The following PDE4DIP variants were observed in gnomAD, a reference collection of about 807,000 sequenced individuals.
The protein encoded by PDE4DIP is myomegalin.
PDE4DIP carries 59 observed loss-of-function variants against 221.4 expected under a neutral mutation model. The observed-to-expected ratio is 0.27, with a 90% CI of 0.22 to 0.33. The LOEUF is 0.33. PDE4DIP is among the 10% of genes least tolerant of loss of function. The probability of loss-of-function intolerance (pLI) is 1.00; values close to 1 mark genes in which losing one functional copy is unlikely to be tolerated. For synonymous variants in PDE4DIP, 404 were observed against 815.9 expected, an observed-to-expected ratio of 0.50 and a Z score of 8.60; for missense variants, 1,036 against 2,154.2, an observed-to-expected ratio of 0.48 and a Z score of 10.28.
At chr1:148,919,240 A>C (rs1441359481) in intron 1 of PDE4DIP, among the ~76,000 whole-genome samples, 1 of 150,868 alleles carries the variant, frequency 6.6e-6, no homozygotes, top group Non-Finnish European at 1.5e-5. Context: ...ACATAAGCGT[A>C]AAAGATGAGT....
chr1:148,954,345 TC>T (rs1379690067), intron 5 of PDE4DIP, among the ~76,000 whole-genome samples: 1 of 152,110 alleles, frequency 6.6e-6, no homozygotes, highest in Non-Finnish European at 1.5e-5. Context: ...AGTTAGTTCT[TC>T]CTGGAGCATT....
At position 148,945,358 on chromosome 1, in the gene PDE4DIP, A is replaced by T. The variant is rs587681983; in HGVS notation, c.636+7494A>T. Among the ~76,000 whole-genome samples the T allele has an allele frequency of 3.3e-5, 5 of 151,138 alleles. No individual in the cohort carries two copies. In the South Asian group the frequency reaches 8.5e-4, roughly 26 times the overall value. On this transcript the variant is annotated intron_variant, in intron 5 of 43. Coordinates refer to ENST00000369354, the Ensembl canonical transcript of PDE4DIP. ...AGTCCATAGTTTTCTGACTCCTCATATAAAGTATTAGGAGGAAAGGGAGGC... is the reference window on the plus strand; with the variant it reads ...AGTCCATAGTTTTCTGACTCCTCATTTAAAGTATTAGGAGGAAAGGGAGGC...
At chr1:148,930,563 C>G (rs587677652) in intron 2 of PDE4DIP, 2 of 150,974 alleles carry the variant, frequency 1.3e-5, no homozygotes, top group East Asian at 3.9e-4. Context: ...AACATTCAAG[C>G]TGAGAGCCAA....
intron 3 of PDE4DIP, among the ~76,000 whole-genome samples, chr1:148,883,062 TCTGA>T (rs1246412025): frequency 1.8e-4 from 27 of 147,484 alleles, no homozygotes; most frequent in Middle Eastern, 3.4e-3. Flanking sequence ...ATCCCAGTCT[TCTGA>T]CTGTCTTCCT....
intron 21 of PDE4DIP, chr1:148,984,695 A>G (rs2061617766): frequency 6.6e-6 from 1 of 152,100 alleles, no homozygotes; most frequent in Non-Finnish European, 1.5e-5. Context: ...GGAGTAGCAG[A>G]TCACATTATA....
intron 4 of PDE4DIP, among the ~76,000 whole-genome samples, chr1:148,932,901 T>A (rs2048371556): frequency 6.6e-6 from 1 of 152,158 alleles, no homozygotes; most frequent in Admixed American, 6.5e-5. Flanking sequence ...ATGGGATTAA[T>A]ACGCTTGTAA....
rs1180076561 is a variant in PDE4DIP at position 148,940,337 on chromosome 1, A to G, written c.636+2473A>G. Among the ~76,000 whole-genome samples, 3 of 151,882 alleles carry G rather than the reference A, an allele frequency of 2.0e-5. No homozygotes were observed. In the East Asian group the frequency reaches 5.8e-4, roughly 29 times the overall value. ...TTGGGCAGAAGAAATGCATCAAATC[A>G]TATAAACTGTACTAAATTGATATGC... is the stretch of plus-strand genomic sequence containing the variant. On this transcript the variant is annotated intron_variant, in intron 5 of 43. Coordinates refer to ENST00000369354, the Ensembl canonical transcript of PDE4DIP.
intron 5 of PDE4DIP, among the ~76,000 whole-genome samples, chr1:148,940,436 T>C (rs2050263648): frequency 6.6e-6 from 1 of 152,164 alleles, no homozygotes; most frequent in Non-Finnish European, 1.5e-5. Context: ...ACCTGATACA[T>C]TGCGCTGTTT....
At chr1:148,961,915 A>C (rs782570070) in exon 7 of PDE4DIP, 4 of 1,584,168 alleles carry the variant, frequency 2.5e-6, no homozygotes, top group Non-Finnish European at 3.5e-6. Flanking sequence ...AGATGGTACA[A>C]TTCAGAACCT....
In PDE4DIP at chr1:149,003,748, G is replaced by GCCCCACACCCT; in HGVS notation, c.3886+18_3886+19insCCCCACACCCT. On this transcript the variant is annotated intron_variant, in intron 26 of 43. Coordinates refer to ENST00000369354, the Ensembl canonical transcript of PDE4DIP. ...CAGTCCTGGTAAGAGCACAGGGTGT[G>GCCCCACACCCT]GGGCTCACCCCTCCCTGGAGTCAGC... 7.9e-7 allele frequency: 1 copy of GCCCCACACCCT among 1,259,606 alleles called. No individual in the cohort carries two copies. Among genetic ancestry groups the GCCCCACACCCT allele is most frequent in the Non-Finnish European group, 1.2e-6 (1 of 863,314 alleles). 78.0% of individuals were successfully genotyped at this position (1,259,606 alleles called of 1,614,324 possible). A position where few individuals can be genotyped will look rare whatever the true frequency, so the allele number is the denominator to read the frequency against.
chr1:149,029,804 G>A (rs1559454385), exon 42 of PDE4DIP: 2 of 1,581,320 alleles, frequency 1.3e-6, no homozygotes, highest in East Asian at 2.3e-5. Context: ...CAACAGAAAG[G>A]GAACTTCTGG....
intron 5 of PDE4DIP, chr1:148,953,237 A>G (rs2054067847): frequency 1.2e-6 from 2 of 1,612,490 alleles, no homozygotes; most frequent in East Asian, 4.5e-5. Flanking sequence ...GGAGCCACAC[A>G]GCTGCCATGG....
At chr1:148,945,241 A>G (rs1473703828) in intron 5 of PDE4DIP, among the ~76,000 whole-genome samples, 3 of 152,292 alleles carry the variant, frequency 2.0e-5, no homozygotes, top group Non-Finnish European at 4.4e-5. Context: ...TTGTTGCATA[A>G]AAACAGCCAC....
chr1:148,864,017 G>GT (rs1685455807), intron 2 of PDE4DIP, among the ~76,000 whole-genome samples: 2 of 99,348 alleles, frequency 2.0e-5, no homozygotes, highest in East Asian at 2.4e-4. Context: ...TGAGGCGGGC[G>GT]TATCACCTGA....
intron 5 of PDE4DIP, among the ~76,000 whole-genome samples, chr1:148,958,545 A>C (rs1230005402): frequency 6.6e-6 from 1 of 151,964 alleles, no homozygotes; most frequent in South Asian, 2.1e-4. Flanking sequence ...TTTGCCCACT[A>C]TGCTCTAGCC....
At chr1:148,815,547 C>CAAAAAAAA (rs3978512) in intron 1 of PDE4DIP, among the ~76,000 whole-genome samples, 2 of 26,486 alleles carry the variant, frequency 7.6e-5, no homozygotes, top group Non-Finnish European at 1.6e-4. Context: ...GACTCTGTCT[C>CAAAAAAAA]AAAAAAAAAA....
At chr1:148,978,767 G>A (rs1433113065) in intron 19 of PDE4DIP, among the ~76,000 whole-genome samples, 6 of 152,006 alleles carry the variant, frequency 3.9e-5, no homozygotes, top group African/African-American at 1.4e-4. Context: ...TTTTTCTACT[G>A]TGAAATAAAC....
At chr1:149,000,461 A>C (rs1210463238) in intron 23 of PDE4DIP, among the ~76,000 whole-genome samples, 1 of 151,934 alleles carries the variant, frequency 6.6e-6, no homozygotes, top group Non-Finnish European at 1.5e-5. Context: ...AGGCTGAGGC[A>C]GCAGAATTGC....
rs111507941 is a variant in PDE4DIP, at chr1:148,969,622, C to T, written c.1980+592C>T. ...ATCTGAGTTAAGAGGGAAAAAAGAT[C>T]GCATTTTTCAGAGGTCATGGTGAGA... On this transcript the variant is annotated intron_variant, in intron 14 of 43. Coordinates refer to ENST00000369354, the Ensembl canonical transcript of PDE4DIP. Among the ~76,000 whole-genome samples, 12 of 150,096 alleles carry T rather than the reference C, an allele frequency of 8.0e-5. No homozygotes were observed. In the South Asian group the frequency reaches 2.1e-3, roughly 26 times the overall value.
Sources: gnomAD v4.1 joint callset for allele counts (sites outside exome capture counted in the v4.1 genomes callset) on GRCh38, gnomAD v4.1.1 for gene constraint, MANE v1.5 for transcripts, NCBI Gene and HGNC (gene_info 2026-07-23, HGNC 2026-07-21) for gene names.